Variants in DOCK7 observed in about 807,000 individuals in gnomAD.
DOCK7 encodes dedicator of cytokinesis 7, also known as dedicator of cytokinesis protein 7.
DOCK7 carries 138 observed loss-of-function variants against 271.0 expected under a neutral mutation model. That is an observed-to-expected ratio of 0.51 (90% CI 0.44 to 0.59). The LOEUF is 0.59. Among genes scored for constraint, DOCK7 ranks in the 20% least tolerant of loss-of-function variants. The pLI is 0.00. For missense variants in DOCK7, 2,066 were observed against 2,592.4 expected (o/e 0.80, Z 4.41); for synonymous variants, 823 against 876.1 (o/e 0.94, Z 1.07).
intron 43 of DOCK7, chr1:62,485,413 C>A: frequency 5.1e-6 from 5 of 985,074 alleles, no homozygotes; most frequent in Non-Finnish European, 6.0e-6. Flanking sequence ...TCAAGGAGCA[C>A]AATAAAAAAA....
intron 20 of DOCK7, among the ~76,000 whole-genome samples, chr1:62,558,581 A>G (rs769141498): frequency 3.3e-5 from 5 of 152,188 alleles, no homozygotes; most frequent in Non-Finnish European, 5.9e-5. Context: ...AGCGGAGGAT[A>G]GCAGATGAAT....
chr1:62,636,419 T>C (rs146653343), intron 8 of DOCK7, 118 bp downstream of exon 8: 2 of 745,398 alleles, frequency 2.7e-6, no homozygotes, highest in African/African-American at 3.7e-5. Context: ...AATTTCTATT[T>C]CCTTTTTAAA....
intron 21 of DOCK7, among the ~76,000 whole-genome samples, chr1:62,553,400 AT>A (rs67238730): frequency 0.96 from 104,860 of 109,398 alleles, 50,182 homozygotes; most frequent in Middle Eastern, 0.98. Context: ...GGCAGGTGCC[AT>A]TTTTTTTTTT....
At chr1:62,468,849 G>C (rs1645752228) in intron 48 of DOCK7, among the ~76,000 whole-genome samples, 1 of 151,778 alleles carries the variant, frequency 6.6e-6, no homozygotes. Context: ...AAAAACTTAG[G>C]AATATACCTA....
chr1:62,638,368 A>G (rs1655537505), intron 7 of DOCK7: 1 of 151,926 alleles, frequency 6.6e-6, no homozygotes, highest in Non-Finnish European at 1.5e-5. Context: ...TGTCAAAGAA[A>G]TATTTTTCTT....
At chr1:62,687,898 G>A (rs1449469745) in intron 1 of DOCK7, among the ~76,000 whole-genome samples, 3 of 152,218 alleles carry the variant, frequency 2.0e-5, no homozygotes, top group Admixed American at 1.3e-4. Flanking sequence ...TTTGGGAAGC[G>A]GCCGACCGCC....
chr1:62,468,099 G>T (rs145411061), intron 48 of DOCK7, among the ~76,000 whole-genome samples: 2,563 of 152,150 alleles, frequency 0.017, 70 homozygotes, highest in African/African-American at 0.058. Flanking sequence ...GGTGGCTCAC[G>T]CCTGTAATTC....
chr1:62,552,599 C>G, intron 22 of DOCK7, 133 bp downstream of exon 22: 6 of 847,352 alleles, frequency 7.1e-6, no homozygotes, highest in Non-Finnish European at 1.0e-5. Context: ...ACTGATAGAA[C>G]AGAAATGTAC....
At chr1:62,596,303 T>C (rs1649239197) in intron 14 of DOCK7, among the ~76,000 whole-genome samples, 1 of 152,134 alleles carries the variant, frequency 6.6e-6, no homozygotes, top group African/African-American at 2.4e-5. Flanking sequence ...GAGCCGGCTT[T>C]TGGACCCACA....
chr1:62,520,956 CA>C (rs1644829736), intron 31 of DOCK7, among the ~76,000 whole-genome samples: 1 of 152,200 alleles, frequency 6.6e-6, no homozygotes, highest in South Asian at 2.1e-4. Flanking sequence ...TTTGCAGGGA[CA>C]TGGATGAAGC....
At chr1:62,677,701 A>T (rs1289685152) in intron 1 of DOCK7, among the ~76,000 whole-genome samples, 1 of 152,230 alleles carries the variant, frequency 6.6e-6, no homozygotes, top group Non-Finnish European at 1.5e-5. Context: ...GAAAAGCCCC[A>T]AATAAAGCAT....
chr1:62,612,394 G>A (rs1407477864), intron 14 of DOCK7, among the ~76,000 whole-genome samples: 1 of 152,100 alleles, frequency 6.6e-6, no homozygotes, highest in Non-Finnish European at 1.5e-5. Flanking sequence ...TGGGTGCAAG[G>A]GAGGGAGAGC....
chr1:62,519,994 C>A (rs1041471165), intron 31 of DOCK7, among the ~76,000 whole-genome samples: 6 of 152,128 alleles, frequency 3.9e-5, no homozygotes, highest in Non-Finnish European at 8.8e-5. Context: ...CAAAAACAAT[C>A]AATGGGGAAA....
chr1:62,482,038 T>C (rs1418403509), intron 43 of DOCK7: 1 of 152,210 alleles, frequency 6.6e-6, no homozygotes, highest in East Asian at 1.9e-4. Flanking sequence ...AGATCTCAAC[T>C]GGGAAATATA....
At chr1:62,595,530 C>T (rs1649101360) in intron 14 of DOCK7, among the ~76,000 whole-genome samples, 1 of 152,148 alleles carries the variant, frequency 6.6e-6, no homozygotes, top group Non-Finnish European at 1.5e-5. Context: ...CTCTTAACCA[C>T]TATGGAATAC....
At chr1:62,650,565 C>G (rs943950482) in intron 4 of DOCK7, among the ~76,000 whole-genome samples, 1 of 152,002 alleles carries the variant, frequency 6.6e-6, no homozygotes, top group Admixed American at 6.6e-5. Context: ...GGCTAATATC[C>G]AGAATCTACA....
intron 31 of DOCK7, among the ~76,000 whole-genome samples, chr1:62,521,321 C>G (rs1485949729): frequency 6.6e-6 from 1 of 151,952 alleles, no homozygotes; most frequent in East Asian, 1.9e-4. Context: ...AATGCATAGG[C>G]TGAAAATACA....
chr1:62,543,155 T>TA lies in DOCK7; in HGVS notation c.2950-453_2950-452insT, dbSNP rs202110579. Reference sequence around the variant, plus strand: ...TTTCAAGTTTTCAGGTAAGGTCTTTTTAAAAAAAAATAGCAGAAGATTTCT... The same window carrying TA: ...TTTCAAGTTTTCAGGTAAGGTCTTTTATAAAAAAAAATAGCAGAAGATTTCT... On this transcript the variant is annotated intron_variant, in intron 24 of 49. Transcript: ENST00000635253. 1.2e-3 allele frequency: 123 copies of TA among 104,830 alleles called. 4 individuals are homozygous for TA. In the East Asian group the frequency reaches 0.039, roughly 33 times the overall value. 6.5% of individuals were successfully genotyped at this position (104,830 alleles called of 1,614,324 possible).
At chr1:62,654,238 A>T (rs1657718035) in intron 2 of DOCK7, 79 bp from the exon 3 acceptor site, 4 of 1,332,208 alleles carry the variant, frequency 3.0e-6, no homozygotes, top group Non-Finnish European at 1.0e-6. Context: ...GGCAAATAAC[A>T]TTTTTTTAAA....
Sources: gnomAD v4.1 joint callset for allele counts (sites outside exome capture counted in the v4.1 genomes callset) on GRCh38, gnomAD v4.1.1 for gene constraint, MANE v1.5 for transcripts, NCBI Gene and HGNC (gene_info 2026-07-23, HGNC 2026-07-21) for gene names.